NAALADL2: variants seen among roughly 807,000 people sequenced by gnomAD.
NAALADL2 encodes N-acetylated alpha-linked acidic dipeptidase like 2.
Under a neutral mutation model 87.2 loss-of-function variants are expected in NAALADL2, and 76 were observed. The ratio of observed to expected loss-of-function variants is 0.87; its 90% CI spans 0.72 to 1.05. NAALADL2 has a LOEUF of 1.05. Ranked by LOEUF, NAALADL2 falls within the 50% of genes least tolerant of loss-of-function variation. NAALADL2 has a pLI of 0.00. For missense variants in NAALADL2, 1,089 were observed against 945.8 expected (o/e 1.15, Z -1.99); for synonymous variants, 354 against 331.0 (o/e 1.07, Z -0.75).
intron 1 of NAALADL2, among the ~76,000 whole-genome samples, chr3:175,083,428 G>T (rs1718267200): frequency 6.6e-6 from 1 of 152,118 alleles, no homozygotes; most frequent in African/African-American, 2.4e-5. Flanking sequence ...TTCATCAGTT[G>T]TGACCTTTCA....
intron 1 of NAALADL2, among the ~76,000 whole-genome samples, chr3:174,976,398 CA>C (rs1268736897): frequency 6.6e-6 from 1 of 152,006 alleles, no homozygotes; most frequent in Non-Finnish European, 1.5e-5. Context: ...AGTAGAAGTC[CA>C]ATTTGTTTAA....
intron 3 of NAALADL2, among the ~76,000 whole-genome samples, chr3:174,775,680 CA>C (rs1715125456): frequency 2.0e-5 from 3 of 152,182 alleles, no homozygotes; most frequent in Admixed American, 2.0e-4. Flanking sequence ...CAGGGTCCTC[CA>C]GAACAAAGGT....
chr3:175,639,900 C>T (rs1187965986), intron 11 of NAALADL2, among the ~76,000 whole-genome samples: 10 of 152,012 alleles, frequency 6.6e-5, no homozygotes, highest in Non-Finnish European at 1.5e-4. Context: ...TTGGCTAATC[C>T]TCACTCTGTG....
At chr3:175,740,909 C>G (rs576953758) in intron 12 of NAALADL2, among the ~76,000 whole-genome samples, 1 of 152,224 alleles carries the variant, frequency 6.6e-6, no homozygotes, top group South Asian at 2.1e-4. Context: ...TGGATCGGGA[C>G]CCCCTTCCTG....
Position 174,852,087 on chromosome 3 carries a change from C to G in NAALADL2, c.-9+114341C>G, listed in dbSNP as rs117878871. Among the ~76,000 whole-genome samples, 600 of 152,048 alleles carry G rather than the reference C, an allele frequency of 3.9e-3. 29 individuals carry two copies. The East Asian group carries it at 0.091, about 23-fold the overall frequency. On this transcript the variant is annotated intron_variant, in intron 3 of 3. Transcript: ENST00000434257. ...TAGAAGGAACCAACCTGATAACTAC[C>G]TTACAAAACAGAACCACAGCTAGTA...
intron 3 of NAALADL2, among the ~76,000 whole-genome samples, chr3:174,821,561 A>C (rs1721420463): frequency 6.6e-6 from 1 of 152,202 alleles, no homozygotes; most frequent in Non-Finnish European, 1.5e-5. Flanking sequence ...TATCAGACAG[A>C]TTGAGCAAAT....
At chr3:175,485,605 G>A (rs1488252626) in intron 9 of NAALADL2, among the ~76,000 whole-genome samples, 1 of 152,130 alleles carries the variant, frequency 6.6e-6, no homozygotes, top group African/African-American at 2.4e-5. Flanking sequence ...GATGTTCAAT[G>A]GCAGGAATCA....
intron 9 of NAALADL2, among the ~76,000 whole-genome samples, chr3:175,532,268 C>T (rs1371144188): frequency 2.6e-5 from 4 of 152,212 alleles, no homozygotes; most frequent in African/African-American, 9.7e-5. Context: ...GAGCCAATGT[C>T]CAGTAGTCCC....
chr3:174,697,698 A>T (rs1018867939), intron 2 of NAALADL2, among the ~76,000 whole-genome samples: 1 of 152,188 alleles, frequency 6.6e-6, no homozygotes, highest in African/African-American at 2.4e-5. Context: ...CATGGCCCCT[A>T]GTTTTCACTT....
chr3:175,530,351 A>C (rs143784054), intron 9 of NAALADL2, among the ~76,000 whole-genome samples: 64 of 152,316 alleles, frequency 4.2e-4, no homozygotes, highest in East Asian at 2.5e-3. Context: ...TGCTTCTTCC[A>C]AGTCACTGAC....
chr3:175,319,911 G>A (rs1759629474), intron 4 of NAALADL2, among the ~76,000 whole-genome samples: 2 of 152,190 alleles, frequency 1.3e-5, no homozygotes, highest in South Asian at 4.1e-4. Context: ...CCTGCTAAGT[G>A]CAAGGTGTAC....
intron 9 of NAALADL2, among the ~76,000 whole-genome samples, chr3:175,572,047 G>A (rs1718155629): frequency 6.6e-6 from 1 of 152,128 alleles, no homozygotes; most frequent in African/African-American, 2.4e-5. Flanking sequence ...TGGGGATGGG[G>A]TGGGGGAATG....
chr3:175,065,168 C>G (rs1013245160), intron 1 of NAALADL2, among the ~76,000 whole-genome samples: 1 of 152,078 alleles, frequency 6.6e-6, no homozygotes, highest in African/African-American at 2.4e-5. Flanking sequence ...CGAGACATTA[C>G]TATTGAGACC....
At chr3:174,785,655 T>C (rs506143) in intron 3 of NAALADL2, among the ~76,000 whole-genome samples, 83,379 of 151,962 alleles carry the variant, frequency 0.55, 23,174 homozygotes, top group Middle Eastern at 0.67. Flanking sequence ...TTACACGTGA[T>C]GTTGTGTTGC....
chr3:175,140,284 T>A (rs1729796360), intron 2 of NAALADL2, among the ~76,000 whole-genome samples: 1 of 152,122 alleles, frequency 6.6e-6, no homozygotes, highest in Admixed American at 6.6e-5. Context: ...TCCATTTAAA[T>A]AAACACTGAG....
chr3:175,303,402 T>C (rs1188438905), intron 4 of NAALADL2, among the ~76,000 whole-genome samples: 1 of 152,142 alleles, frequency 6.6e-6, no homozygotes, highest in African/African-American at 2.4e-5. Flanking sequence ...CTGAAACTAG[T>C]AGCTTCATAC....
At chr3:175,224,068 T>G (rs956819634) in intron 2 of NAALADL2, among the ~76,000 whole-genome samples, 3 of 151,850 alleles carry the variant, frequency 2.0e-5, no homozygotes, top group Non-Finnish European at 4.4e-5. Context: ...AGAGAGAGAG[T>G]TGGCGGCTCT....
chr3:174,521,415 A>C (rs911164390), intron 1 of NAALADL2, among the ~76,000 whole-genome samples: 3 of 151,856 alleles, frequency 2.0e-5, no homozygotes, highest in Non-Finnish European at 4.4e-5. Flanking sequence ...AAAATACAAA[A>C]ATTAGCCGGG....
chr3:175,103,806 AG>A (rs1165370676), intron 2 of NAALADL2, among the ~76,000 whole-genome samples: 2 of 152,220 alleles, frequency 1.3e-5, no homozygotes, highest in Non-Finnish European at 2.9e-5. Context: ...GTAATGCCAA[AG>A]AGTTCAAAAT....
Sources: gnomAD v4.1 joint callset for allele counts (sites outside exome capture counted in the v4.1 genomes callset) on GRCh38, gnomAD v4.1.1 for gene constraint, MANE v1.5 for transcripts, NCBI Gene and HGNC (gene_info 2026-07-23, HGNC 2026-07-21) for gene names.